Variants in ACYP2 observed in about 807,000 individuals in gnomAD.
ACYP2 encodes acylphosphatase-2.
A neutral mutation model predicts 11.2 loss-of-function variants in ACYP2; 12 were observed. The ratio of observed to expected loss-of-function variants is 1.08; its 90% CI spans 0.69 to 1.74. The LOEUF is 1.74. Among genes scored for constraint, ACYP2 ranks in the 40% most tolerant of loss-of-function variants. The pLI is 0.00. For synonymous variants in ACYP2, 43 were observed against 32.2 expected, an observed-to-expected ratio of 1.33 and a Z score of -1.13; for missense variants, 134 against 101.9, an observed-to-expected ratio of 1.31 and a Z score of -1.35.
In ACYP2 at chr2:54,135,885, G is replaced by A. The variant is rs77423015; in HGVS notation, c.294+416G>A. ...CAGGATTTAGCAGATTAAGCGCCAC[G>A]TCGTGTTTTAAAATTTATTTATTTA... On this transcript the variant is annotated intron_variant, in intron 5 of 6. Coordinates refer to ENST00000607452, the MANE Select transcript of ACYP2 (RefSeq NM_001320586.2). 2.2e-3 allele frequency among the ~76,000 whole-genome samples: 334 copies of A among 152,238 alleles called. 3 individuals carry two copies. Among genetic ancestry groups the A allele is most frequent in the African/African-American group, 7.3e-3 (302 of 41,556 alleles).
At chr2:54,077,220 A>T (rs966765801) in intron 4 of ACYP2, among the ~76,000 whole-genome samples, 1 of 152,214 alleles carries the variant, frequency 6.6e-6, no homozygotes, top group Non-Finnish European at 1.5e-5. Flanking sequence ...TCCTAGACTC[A>T]TCTAAGCTAA....
At chr2:53,977,670 G>C (rs1466648887) in intron 2 of ACYP2, among the ~76,000 whole-genome samples, 1 of 151,438 alleles carries the variant, frequency 6.6e-6, no homozygotes. Context: ...GGGAGAGGGA[G>C]GTTGCAGTGA....
chr2:54,116,216 T>C (rs1679783806), intron 4 of ACYP2, among the ~76,000 whole-genome samples: 2 of 152,196 alleles, frequency 1.3e-5, no homozygotes, highest in South Asian at 4.2e-4. Context: ...TTTGTAGCTC[T>C]TAAAAGAATG....
intron 6 of ACYP2, among the ~76,000 whole-genome samples, chr2:54,145,256 C>A (rs924464572): frequency 6.6e-6 from 1 of 151,930 alleles, no homozygotes. Flanking sequence ...TTGTTAAATC[C>A]TTGTGATAAA....
intron 6 of ACYP2, among the ~76,000 whole-genome samples, chr2:54,149,085 T>C (rs1395831546): frequency 1.3e-5 from 2 of 152,306 alleles, no homozygotes; most frequent in East Asian, 1.9e-4. Flanking sequence ...ACCCCATCAG[T>C]ACAAAAAACA....
intron 6 of ACYP2, among the ~76,000 whole-genome samples, chr2:54,296,772 A>G (rs539696747): frequency 6.6e-6 from 1 of 152,360 alleles, no homozygotes; most frequent in South Asian, 2.1e-4. Context: ...AGAGGGACAC[A>G]TGGTTATCAA....
At chr2:54,302,383 C>T (rs1220842778) in intron 6 of ACYP2, among the ~76,000 whole-genome samples, 1 of 152,160 alleles carries the variant, frequency 6.6e-6, no homozygotes, top group East Asian at 1.9e-4. Context: ...TTCCTGAGGG[C>T]TTGATTGGGC....
At chr2:54,159,565 G>A (rs1682615330) in intron 6 of ACYP2, among the ~76,000 whole-genome samples, 1 of 152,042 alleles carries the variant, frequency 6.6e-6, no homozygotes, top group South Asian at 2.1e-4. Flanking sequence ...TTCAGTAAAT[G>A]TTTATTATGT....
At chr2:54,114,085 T>C (rs1679604517) in intron 4 of ACYP2, among the ~76,000 whole-genome samples, 1 of 151,980 alleles carries the variant, frequency 6.6e-6, no homozygotes, top group South Asian at 2.1e-4. Context: ...TTTTTGGTGT[T>C]CTCTAATAGA....
intron 6 of ACYP2, among the ~76,000 whole-genome samples, chr2:54,251,964 A>G (rs944542926): frequency 6.6e-6 from 1 of 152,224 alleles, no homozygotes; most frequent in Non-Finnish European, 1.5e-5. Context: ...ATTAGAGCTC[A>G]GGGAACCAGT....
At chr2:54,058,319 A>AT (rs1350382221) in intron 4 of ACYP2, among the ~76,000 whole-genome samples, 1 of 150,840 alleles carries the variant, frequency 6.6e-6, no homozygotes, top group Non-Finnish European at 1.5e-5. Flanking sequence ...TAAAAAAAAA[A>AT]AAAGCAGTAC....
intron 6 of ACYP2, among the ~76,000 whole-genome samples, chr2:54,159,814 C>T (rs943205791): frequency 1.3e-5 from 2 of 152,124 alleles, no homozygotes; most frequent in African/African-American, 4.8e-5. Flanking sequence ...CTATTCATCT[C>T]GCAGGCTTTT....
At chr2:53,973,855 ATGTGTGTG>A (rs573137716) in intron 2 of ACYP2, 28,851 of 124,180 alleles carry the variant, frequency 0.23, 5,274 homozygotes, top group South Asian at 0.4. Context: ...GGATATATAT[ATGTGTGTG>A]TGTGTGTGTG....
chr2:54,257,669 GGA>G (rs1191200814), intron 6 of ACYP2, among the ~76,000 whole-genome samples: 1 of 152,102 alleles, frequency 6.6e-6, no homozygotes, highest in Non-Finnish European at 1.5e-5. Context: ...AATAATAAAA[GGA>G]GAGAGAAAAT....
At chr2:54,144,394 C>T (rs1210702117) in intron 6 of ACYP2, among the ~76,000 whole-genome samples, 1 of 152,002 alleles carries the variant, frequency 6.6e-6, no homozygotes, top group East Asian at 1.9e-4. Context: ...TAAAAAATCT[C>T]GGCCGGTGCG....
At chr2:54,083,898 C>G (rs1455996290) in intron 4 of ACYP2, among the ~76,000 whole-genome samples, 1 of 152,102 alleles carries the variant, frequency 6.6e-6, no homozygotes, top group African/African-American at 2.4e-5. Flanking sequence ...TTTGAGCGCT[C>G]TCTTTAGAAA....
In ACYP2 at chr2:54,093,832, C is replaced by G. The variant is rs907792227; in HGVS notation, c.277+36472C>G. ...GTGGGCGCCTGTAGTCCCAGCTACT[C>G]CGGAGGCTGAGGCAGGAGAATGACA... On this transcript the variant is annotated intron_variant, in intron 4 of 6. Coordinates refer to ENST00000607452, the MANE Select transcript of ACYP2 (RefSeq NM_001320586.2). Among the ~76,000 whole-genome samples the G allele has an allele frequency of 3.9e-5, 6 of 152,138 alleles. No homozygotes were observed. The South Asian group carries it at 6.2e-4, about 16-fold the overall frequency.
intron 6 of ACYP2, chr2:54,256,013 T>C (rs1687505890): frequency 1.2e-6 from 2 of 1,614,146 alleles, no homozygotes; most frequent in Non-Finnish European, 1.7e-6. Flanking sequence ...GGGAACACGA[T>C]TGGCTCCAAG....
chr2:53,991,469 G>C (rs1017616537), intron 2 of ACYP2, among the ~76,000 whole-genome samples: 3 of 150,820 alleles, frequency 2.0e-5, no homozygotes, highest in Non-Finnish European at 4.4e-5. Context: ...GCAGTGGTGC[G>C]ATCTTGGCTC....
Sources: gnomAD v4.1 joint callset for allele counts (sites outside exome capture counted in the v4.1 genomes callset) on GRCh38, gnomAD v4.1.1 for gene constraint, MANE v1.5 for transcripts, NCBI Gene and HGNC (gene_info 2026-07-23, HGNC 2026-07-21) for gene names.